Variants in GPC5 observed in about 807,000 individuals in gnomAD.
GPC5 encodes the protein glypican 5.
A neutral mutation model predicts 53.9 loss-of-function variants in GPC5; 47 were observed. That is an observed-to-expected ratio of 0.87 (90% CI 0.69 to 1.11). The LOEUF is 1.11. Ranked by LOEUF, GPC5 falls within the 50% of genes most tolerant of loss-of-function variation. The pLI is 0.00. For missense variants in GPC5, 748 were observed against 713.1 expected, an observed-to-expected ratio of 1.05 and a Z score of -0.56; for synonymous variants, 286 against 263.3, an observed-to-expected ratio of 1.09 and a Z score of -0.84.
chr13:92,829,040 C>T (rs1279646601), intron 7 of GPC5, among the ~76,000 whole-genome samples: 3 of 152,082 alleles, frequency 2.0e-5, no homozygotes, highest in Non-Finnish European at 2.9e-5. Context: ...ATGCACCCTC[C>T]CGAGACGTTT....
At chr13:92,207,740 C>A (rs1464713355) in intron 7 of GPC5, among the ~76,000 whole-genome samples, 8 of 152,156 alleles carry the variant, frequency 5.3e-5, no homozygotes, top group Admixed American at 5.2e-4. Context: ...GGTTATCTGT[C>A]TACTCATTCT....
chr13:92,235,644 C>G (rs559556828), intron 7 of GPC5, among the ~76,000 whole-genome samples: 2 of 152,164 alleles, frequency 1.3e-5, no homozygotes, highest in Admixed American at 1.3e-4. Flanking sequence ...AGAGAAACGT[C>G]TTAAATGATT....
chr13:92,365,395 C>T (rs928693805), intron 7 of GPC5, among the ~76,000 whole-genome samples: 1 of 151,726 alleles, frequency 6.6e-6, no homozygotes, highest in African/African-American at 2.4e-5. Context: ...GACAGTTGCT[C>T]TGGGCAGGTT....
At chr13:91,900,662 T>C (rs1185091461) in intron 5 of GPC5, among the ~76,000 whole-genome samples, 2 of 152,118 alleles carry the variant, frequency 1.3e-5, no homozygotes, top group Non-Finnish European at 2.9e-5. Flanking sequence ...ATAAAAAACG[T>C]ATTTATCCTT....
chr13:92,142,747 T>C (rs1317923285), intron 6 of GPC5, among the ~76,000 whole-genome samples: 1 of 152,184 alleles, frequency 6.6e-6, no homozygotes, highest in Non-Finnish European at 1.5e-5. Flanking sequence ...CCATCTGTGT[T>C]CTTGCCACGA....
chr13:91,796,081 G>A (rs1357180628), intron 5 of GPC5, among the ~76,000 whole-genome samples: 4 of 152,118 alleles, frequency 2.6e-5, no homozygotes, highest in Admixed American at 2.6e-4. Flanking sequence ...CTTGCTCTCT[G>A]ACCTGGGGTA....
intron 6 of GPC5, among the ~76,000 whole-genome samples, chr13:92,008,163 C>G (rs958179358): frequency 1.3e-5 from 2 of 150,760 alleles, no homozygotes; most frequent in African/African-American, 4.9e-5. Flanking sequence ...CCCGGGTTCA[C>G]GCCATTCTCC....
At chr13:92,579,839 T>G (rs1883318578) in intron 7 of GPC5, among the ~76,000 whole-genome samples, 1 of 152,196 alleles carries the variant, frequency 6.6e-6, no homozygotes, top group Non-Finnish European at 1.5e-5. Flanking sequence ...AAGGTTTCTC[T>G]CTCTCTCTCT....
intron 7 of GPC5, among the ~76,000 whole-genome samples, chr13:92,631,921 T>A (rs1885252750): frequency 1.3e-5 from 2 of 152,216 alleles, no homozygotes; most frequent in African/African-American, 4.8e-5. Flanking sequence ...CATTCCAAGA[T>A]ATCTCATTAT....
At chr13:92,668,911 T>C (rs1344917485) in intron 7 of GPC5, among the ~76,000 whole-genome samples, 4 of 152,144 alleles carry the variant, frequency 2.6e-5, no homozygotes, top group Non-Finnish European at 5.9e-5. Flanking sequence ...TGGTTATATA[T>C]CAATAATTGC....
chr13:91,401,309 C>T (rs1160399770), intron 1 of GPC5, among the ~76,000 whole-genome samples: 1 of 151,650 alleles, frequency 6.6e-6, no homozygotes, highest in African/African-American at 2.4e-5. Context: ...AAAAAAAACC[C>T]CTCAATCCCA....
intron 7 of GPC5, among the ~76,000 whole-genome samples, chr13:92,450,640 A>G (rs1167477532): frequency 6.6e-6 from 1 of 152,202 alleles, no homozygotes; most frequent in Non-Finnish European, 1.5e-5. Flanking sequence ...GGTTGATGTT[A>G]TAACCTATAA....
intron 7 of GPC5, among the ~76,000 whole-genome samples, chr13:92,214,127 C>T (rs901147203): frequency 4.6e-5 from 7 of 152,014 alleles, no homozygotes; most frequent in Admixed American, 4.6e-4. Flanking sequence ...TTGAGTCTTC[C>T]CAGCTGTTTT....
At chr13:92,801,033 A>G (rs1252887713) in intron 7 of GPC5, among the ~76,000 whole-genome samples, 1 of 151,744 alleles carries the variant, frequency 6.6e-6, no homozygotes, top group East Asian at 1.9e-4. Context: ...AAAAGAAAAA[A>G]AAAAGAAAAC....
At chr13:92,666,511 A>G (rs1187693035) in intron 7 of GPC5, among the ~76,000 whole-genome samples, 1 of 141,274 alleles carries the variant, frequency 7.1e-6, no homozygotes, top group African/African-American at 2.5e-5. Context: ...AATGCTAATT[A>G]TACATAATCA....
intron 7 of GPC5, among the ~76,000 whole-genome samples, chr13:92,439,939 A>G (rs553969742): frequency 6.6e-6 from 1 of 152,252 alleles, no homozygotes; most frequent in South Asian, 2.1e-4. Flanking sequence ...AGTCTGGCTT[A>G]AATGAAACGA....
At chr13:91,802,258 C>T (rs1426719115) in intron 5 of GPC5, among the ~76,000 whole-genome samples, 1 of 151,926 alleles carries the variant, frequency 6.6e-6, no homozygotes. Flanking sequence ...CTGGTGGGTT[C>T]GTGGTCTCAC....
chr13:92,698,177 T>G (rs193234707), intron 7 of GPC5, among the ~76,000 whole-genome samples: 5 of 151,938 alleles, frequency 3.3e-5, no homozygotes, highest in Non-Finnish European at 5.9e-5. Flanking sequence ...TCTTTTTTTT[T>G]AATTATACTT....
chr13:92,309,309 A>G (rs16947331), intron 7 of GPC5, among the ~76,000 whole-genome samples: 17,114 of 152,114 alleles, frequency 0.11, 1,474 homozygotes, highest in African/African-American at 0.25. Context: ...TGAAATATGT[A>G]TAATTATATG....
Sources: gnomAD v4.1 joint callset for allele counts (sites outside exome capture counted in the v4.1 genomes callset) on GRCh38, gnomAD v4.1.1 for gene constraint, MANE v1.5 for transcripts, NCBI Gene and HGNC (gene_info 2026-07-23, HGNC 2026-07-21) for gene names.